Variants in MAP3K21 observed in about 807,000 individuals in gnomAD.
MAP3K21 encodes the protein mitogen-activated protein kinase kinase kinase MLK4.
In MAP3K21, 63 loss-of-function variants were observed where a neutral mutation model predicts 86.1. The ratio of observed to expected loss-of-function variants is 0.73; its 90% CI spans 0.60 to 0.90. MAP3K21 has a LOEUF of 0.90. Among genes scored for constraint, MAP3K21 ranks in the 40% least tolerant of loss-of-function variants. The probability of loss-of-function intolerance (pLI) is 0.00; values close to 1 mark genes in which losing one functional copy is unlikely to be tolerated. For synonymous variants in MAP3K21, 558 were observed against 564.8 expected (o/e 0.99, Z 0.17); for missense variants, 1,220 against 1,367.7 (o/e 0.89, Z 1.70).
chr1:233,369,425 A>G (rs1216797358), intron 5 of MAP3K21, among the ~76,000 whole-genome samples: 1 of 152,074 alleles, frequency 6.6e-6, no homozygotes, highest in Non-Finnish European at 1.5e-5. Flanking sequence ...GAGACGTGAT[A>G]TGGGAATTTA....
At position 233,379,666 on chromosome 1, in the gene MAP3K21, C is replaced by A. The variant is rs563793926; in HGVS notation, c.2660C>A (p.Pro887Gln). The A allele has an allele frequency of 1.2e-6, 2 of 1,613,644 alleles. No individual in the cohort carries two copies. Among genetic ancestry groups the A allele is most frequent in the Middle Eastern group, 1.6e-4 (1 of 6,062 alleles). The change falls in exon 9 of 10, where the codon CCG becomes CAG. Residue 887 changes from proline to glutamine, a missense_variant. Transcript: ENST00000366624. ...VPYCASSKHR[P>Q]SHHRRTMSDG... is the part of the protein sequence containing the mutation. ...TACTGTGCTTCTTCAAAACATAGAC[C>A]GTCACATCACAGACGGACCATGTCT...
chr1:233,362,270 G>C lies in MAP3K21; in HGVS notation c.1529G>C (p.Gly510Ala), dbSNP rs1369435604. ...AGAAGTCGTTTAAAGCTCAAAGATG[G>C]ACATCGAATCAGTTTACCTTCAGGT... ...FKRSRLKLKD[G>A]HRISLPSDFQ... The change falls in exon 5 of 10, where the codon GGA becomes GCA. Residue 510 changes from glycine to alanine, a missense_variant. This residue lies in a region of MAP3K21 where 632 missense variants were observed against 691.3 expected (regional missense o/e 0.91). Transcript: ENST00000366624. The C allele has an allele frequency of 6.2e-7, 1 of 1,614,214 alleles. No individual in the cohort carries two copies. The highest frequency in any genetic ancestry group is 1.7e-5 in the Admixed American group (1 of 60,030).
intron 1 of MAP3K21, among the ~76,000 whole-genome samples, chr1:233,329,631 G>A (rs1662774503): frequency 6.6e-6 from 1 of 151,912 alleles, no homozygotes; most frequent in South Asian, 2.1e-4. Flanking sequence ...TCCAGCCTAG[G>A]AGATAGAGTG....
chr1:233,333,676 T>G (rs1662855230), intron 1 of MAP3K21, among the ~76,000 whole-genome samples: 1 of 152,156 alleles, frequency 6.6e-6, no homozygotes, highest in Non-Finnish European at 1.5e-5. Flanking sequence ...ATGCAAAGTA[T>G]CCGTATTTGA....
chr1:233,372,395 C>A (rs1002460948), intron 6 of MAP3K21: 1 of 449,862 alleles, frequency 2.2e-6, no homozygotes, highest in South Asian at 7.3e-5. Context: ...GCGACCTGGC[C>A]CCGGAGTAGA....
Position 233,328,067 on chromosome 1 carries a change from G to T in MAP3K21, c.39G>T (p.Pro13=). The T allele has an allele frequency of 2.2e-6, 3 of 1,342,402 alleles. No homozygotes were observed. Among genetic ancestry groups the T allele is most frequent in the Admixed American group, 4.0e-5 (1 of 25,212 alleles). 83.2% of individuals were successfully genotyped at this position (1,342,402 alleles called of 1,614,324 possible). A position where few individuals can be genotyped will look rare whatever the true frequency, so the allele number is the denominator to read the frequency against. ...LRGAAGATDT[P]VSSAGGAPGG... is the part of the protein sequence containing the mutation. Reference sequence around the variant, plus strand: ...GCGCCGCGGGAGCGACCGACACCCCGGTGTCCTCGGCCGGGGGAGCCCCCG... The same window carrying T: ...GCGCCGCGGGAGCGACCGACACCCCTGTGTCCTCGGCCGGGGGAGCCCCCG... Residue 13 remains proline, a synonymous_variant, in exon 1 of 10, where the codon CCG becomes CCT. Transcript: ENST00000366624. This position sits in a 1 kb window ranked among gnomAD's most constrained non-coding sequence, Gnocchi z 8.7.
chr1:233,381,410 A>T (rs185341388), intron 9 of MAP3K21, among the ~76,000 whole-genome samples: 1 of 152,332 alleles, frequency 6.6e-6, no homozygotes, highest in Non-Finnish European at 1.5e-5. Context: ...CATAATTGCA[A>T]TAACCTTATA....
At chr1:233,331,407 C>T (rs1414020407) in intron 1 of MAP3K21, among the ~76,000 whole-genome samples, 3 of 152,154 alleles carry the variant, frequency 2.0e-5, no homozygotes, top group Admixed American at 2.0e-4. Flanking sequence ...CATACATGGT[C>T]TTTATCCTGA....
chr1:233,376,631 G>T, intron 8 of MAP3K21, 104 bp downstream of exon 8: 1 of 687,814 alleles, frequency 1.5e-6, no homozygotes. Context: ...AGTAGCAGAG[G>T]GGAGATTAGC....
intron 4 of MAP3K21, among the ~76,000 whole-genome samples, chr1:233,357,625 T>G (rs1663385724): frequency 6.6e-6 from 1 of 152,122 alleles, no homozygotes; most frequent in Admixed American, 6.5e-5. Flanking sequence ...GAGTTGCGTC[T>G]GACTGCGAGC....
rs1274845070 is a variant in MAP3K21, at chr1:233,328,707, C to A, written c.679C>A (p.Arg227Ser). Residue 227 changes from arginine to serine, a missense_variant, in exon 1 of 10, where the codon CGC becomes AGC. Transcript: ENST00000366624. This position sits in a 1 kb window ranked among gnomAD's most constrained non-coding sequence, Gnocchi z 8.7. The stretch of plus-strand genomic sequence containing the variant: ...CCCGGACCCGCGCGCGCCCGGCCCC[C>A]GCCGCGCGCGCCGCATCCCTCCGCA... ...AAPDPRAPGP[R>S]RARRIPPHVL... 1.4e-6 allele frequency: 2 copies of A among 1,384,552 alleles called. No individual in the cohort carries two copies. Among genetic ancestry groups the A allele is most frequent in the South Asian group, 3.4e-5 (2 of 58,254 alleles). The allele number at this position is 1,384,552 out of a possible 1,614,324, so 85.8% of individuals were successfully genotyped here. A position where few individuals can be genotyped will look rare whatever the true frequency, so the allele number is the denominator to read the frequency against.
chr1:233,378,747 T>A (rs1663846356), intron 8 of MAP3K21, among the ~76,000 whole-genome samples, 184 bp from the exon 9 acceptor site: 1 of 152,172 alleles, frequency 6.6e-6, no homozygotes, highest in African/African-American at 2.4e-5. Flanking sequence ...CCTGAAGTTG[T>A]AGGGCCCTAG....
intron 1 of MAP3K21, among the ~76,000 whole-genome samples, chr1:233,342,651 T>G (rs1268323525): frequency 6.6e-6 from 1 of 152,196 alleles, no homozygotes; most frequent in Non-Finnish European, 1.5e-5. Context: ...ATAGGGAAGA[T>G]AAAATCATTC....
In MAP3K21 at chr1:233,379,717, T is replaced by A; in HGVS notation, c.2704+7T>A. On this transcript the variant is annotated splice_region_variant and intron_variant, in intron 9 of 9. Transcript: ENST00000366624. Reference sequence around the variant, plus strand: ...GATGGAAATCCGACCCCAAGTAGGTTGCATTAATTAGGTAAAAGCATAAAA... The same window carrying A: ...GATGGAAATCCGACCCCAAGTAGGTAGCATTAATTAGGTAAAAGCATAAAA... 1 of 1,602,058 alleles carries A rather than the reference T, an allele frequency of 6.2e-7. No homozygotes were observed.
At chr1:233,357,842 G>T (rs1187091359) in intron 4 of MAP3K21, among the ~76,000 whole-genome samples, 1 of 152,206 alleles carries the variant, frequency 6.6e-6, no homozygotes, top group Non-Finnish European at 1.5e-5. Flanking sequence ...ATGCTGCAGG[G>T]ATGGCAATCT....
chr1:233,375,221 C>T (rs1400827520), intron 6 of MAP3K21, among the ~76,000 whole-genome samples: 3 of 152,042 alleles, frequency 2.0e-5, no homozygotes, highest in East Asian at 3.9e-4. Flanking sequence ...GGATTACAGG[C>T]GTGAGCCATG....
rs1243988439 is a variant in MAP3K21 at position 233,328,288 on chromosome 1, G to C, written c.260G>C (p.Arg87Pro). 2 of 1,487,864 alleles carry C rather than the reference G, an allele frequency of 1.3e-6. No individual in the cohort carries two copies. The highest frequency in any genetic ancestry group is 1.8e-6 in the Non-Finnish European group (2 of 1,126,930). The allele number at this position is 1,487,864 out of a possible 1,614,324, so 92.2% of individuals were successfully genotyped here. A position where few individuals can be genotyped will look rare whatever the true frequency, so the allele number is the denominator to read the frequency against. The change falls in exon 1 of 10, where the codon CGG becomes CCG. Residue 87 changes from arginine to proline, a missense_variant. Around this residue, in one of 5 missense-constraint regions of MAP3K21, gnomAD observed 369 missense variants for 385.3 expected, o/e 0.96. Coordinates refer to ENST00000366624, the MANE Select transcript of MAP3K21 (RefSeq NM_032435.3). This position sits in a 1 kb window ranked among gnomAD's most constrained non-coding sequence, Gnocchi z 8.7. ...DEGWWAGQVQRRLGIFPANYV... is the reference protein window; with the variant it reads ...DEGWWAGQVQPRLGIFPANYV... ...GGCTGGTGGGCAGGCCAGGTGCAGC[G>C]GCGCCTCGGCATCTTCCCCGCCAAC...
chr1:233,328,782 C>T lies in MAP3K21; in HGVS notation c.754C>T (p.His252Tyr). The T allele has an allele frequency of 6.5e-7, 1 of 1,547,380 alleles. No individual in the cohort carries two copies. Among genetic ancestry groups the T allele is most frequent in the Admixed American group, 1.9e-5 (1 of 53,112 alleles). The change falls in exon 1 of 10, where the codon CAT becomes TAT. Residue 252 changes from histidine to tyrosine, a missense_variant. This residue lies in a region of MAP3K21 where 89 missense variants were observed against 144.8 expected (regional missense o/e 0.61). Transcript: ENST00000366624. The surrounding 1 kb of genome is among the most constrained non-coding windows in gnomAD (Gnocchi z 8.7). The stretch of plus-strand genomic sequence containing the variant: ...GATAGCGCGGGGCATGCTCTACCTG[C>T]ATGAGGAGGCCTTCGTGCCCATCCT... The part of the protein sequence containing the change: ...VQIARGMLYL[H>Y]EEAFVPILHR...
intron 5 of MAP3K21, among the ~76,000 whole-genome samples, chr1:233,365,298 G>T (rs1162604026): frequency 6.6e-6 from 1 of 152,108 alleles, no homozygotes; most frequent in Admixed American, 6.6e-5. Flanking sequence ...GAACCGAAAA[G>T]CTTCTGCACA....
Sources: allele counts gnomAD v4.1 joint callset (sites outside exome capture counted in the v4.1 genomes callset), GRCh38; gene constraint gnomAD v4.1.1; regional missense constraint gnomAD v4.1.1; non-coding constraint Gnocchi (gnomAD v3.1); transcripts MANE v1.5; gene names NCBI Gene and HGNC (gene_info 2026-07-23, HGNC 2026-07-21).